Variants in NAV1 observed in about 807,000 individuals in gnomAD.
NAV1 encodes the protein pore membrane and/or filament interacting like protein 3.
Under a neutral mutation model 175.2 loss-of-function variants are expected in NAV1, and 18 were observed. The observed-to-expected ratio is 0.10, with a 90% CI of 0.07 to 0.15. The LOEUF (loss-of-function observed/expected upper bound fraction) is 0.15, where lower values mean the gene tolerates loss of function less well. Among genes scored for constraint, NAV1 ranks in the 10% least tolerant of loss-of-function variants. The pLI, the probability that NAV1 is intolerant of heterozygous loss-of-function variation, is 1.00. For synonymous variants in NAV1, 897 were observed against 978.7 expected (o/e 0.92, Z 1.56); for missense variants, 1,731 against 2,436.6 (o/e 0.71, Z 6.10).
At chr1:201,654,682 T>C (rs1669332973) in intron 1 of NAV1, among the ~76,000 whole-genome samples, 1 of 151,988 alleles carries the variant, frequency 6.6e-6, no homozygotes, top group Non-Finnish European at 1.5e-5. Context: ...TCCCTTTCTC[T>C]CTGCAGAGCG....
chr1:201,648,625 T>G lies in NAV1; in HGVS notation c.-44T>G. The G allele has an allele frequency of 1.6e-6, 2 of 1,285,332 alleles. No homozygotes were observed. The highest frequency in any genetic ancestry group is 2.0e-6 in the Non-Finnish European group (2 of 1,020,966). 79.6% of individuals were successfully genotyped at this position (1,285,332 alleles called of 1,614,324 possible). A position where few individuals can be genotyped will look rare whatever the true frequency, so the allele number is the denominator to read the frequency against. Reference sequence around the variant, plus strand: ...TCCCGCCCCCTGCCCCCTCCCCCCGTGCCTGCAGACGCGCGGATCGTCCAT... The same window carrying G: ...TCCCGCCCCCTGCCCCCTCCCCCCGGGCCTGCAGACGCGCGGATCGTCCAT... On this transcript the variant is annotated 5_prime_UTR_variant, in exon 1 of 30. Coordinates refer to ENST00000367296, the Ensembl canonical transcript of NAV1.
rs185871120 is a variant in NAV1, at chr1:201,626,775, A to G, written c.-100-2629A>G. On this transcript the variant is annotated intron_variant, in intron 1 of 29. Transcript: ENST00000367302. ...AATTGGAACTATGGTTAATGGTATCAGGAGCGTAGGGTTACTGGTGTCACT... is the reference window on the plus strand; with the variant it reads ...AATTGGAACTATGGTTAATGGTATCGGGAGCGTAGGGTTACTGGTGTCACT... Among the ~76,000 whole-genome samples the G allele has an allele frequency of 3.9e-5, 6 of 152,342 alleles. No homozygotes were observed. The East Asian group carries it at 1.2e-3, about 29-fold the overall frequency.
chr1:201,720,977 G>A (rs921043997), intron 3 of NAV1, among the ~76,000 whole-genome samples: 6 of 151,962 alleles, frequency 3.9e-5, no homozygotes, highest in Non-Finnish European at 8.8e-5. Context: ...GAATGCAGGG[G>A]GAAAGGGTAG....
At chr1:201,815,039 C>CAAA (rs554042432) in intron 28 of NAV1, among the ~76,000 whole-genome samples, 6 of 76,130 alleles carry the variant, frequency 7.9e-5, no homozygotes, top group South Asian at 4.6e-4. Flanking sequence ...GACTCTGTCT[C>CAAA]AAAAAAAAAA....
Position 201,740,136 on chromosome 1 carries a change from G to A in NAV1, c.1226+21381G>A. 7.5e-7 allele frequency: 1 copy of A among 1,340,740 alleles called. No homozygotes were observed. The highest frequency in any genetic ancestry group is 1.6e-5 in the South Asian group (1 of 61,120). 83.1% of individuals were successfully genotyped at this position (1,340,740 alleles called of 1,614,324 possible). ...ACCGCAGAGCTGGGGTCGGGTTTGTGGCACCCCCAGCCCCGCCGCAGCCCC... is the reference window on the plus strand; with the variant it reads ...ACCGCAGAGCTGGGGTCGGGTTTGTAGCACCCCCAGCCCCGCCGCAGCCCC... On this transcript the variant is annotated intron_variant, in intron 3 of 29. Coordinates refer to ENST00000367296, the Ensembl canonical transcript of NAV1. The surrounding 1 kb of genome is among the most constrained non-coding windows in gnomAD (Gnocchi z 4.7).
chr1:201,784,553 T>C (rs1249174258), intron 7 of NAV1, among the ~76,000 whole-genome samples: 1 of 148,616 alleles, frequency 6.7e-6, no homozygotes, highest in Non-Finnish European at 1.5e-5. Context: ...AGTTTTTACC[T>C]ACCATAATAC....
chr1:201,697,284 C>T (rs2102431936), intron 1 of NAV1, among the ~76,000 whole-genome samples: 3 of 152,282 alleles, frequency 2.0e-5, no homozygotes, highest in Middle Eastern at 3.4e-3. Flanking sequence ...ATCAGTGACA[C>T]AGCAGGCTTT....
At chr1:201,584,343 A>G (rs1259614931) in intron 1 of NAV1, among the ~76,000 whole-genome samples, 1 of 152,100 alleles carries the variant, frequency 6.6e-6, no homozygotes, top group Non-Finnish European at 1.5e-5. Flanking sequence ...AATGTAACCT[A>G]CTCTATATGC....
chr1:201,826,560 G>C (rs1025627319), exon 30 of NAV1: 1 of 152,136 alleles, frequency 6.6e-6, no homozygotes, highest in Non-Finnish European at 1.5e-5. Context: ...TGGAGAGTGG[G>C]CAGAAGTTTT....
chr1:201,660,276 C>G (rs1387289931), intron 1 of NAV1, among the ~76,000 whole-genome samples: 1 of 152,242 alleles, frequency 6.6e-6, no homozygotes. Flanking sequence ...AGTGGCCTTC[C>G]TCAGCTGTAG....
chr1:201,644,671 A>T (rs1668916192), upstream of NAV1, among the ~76,000 whole-genome samples: 3 of 152,242 alleles, frequency 2.0e-5, no homozygotes, highest in South Asian at 6.2e-4. Context: ...GTGACATTTC[A>T]TGCAGGACAG....
exon 29 of NAV1, chr1:201,817,267 T>C (rs761265235): frequency 1.2e-6 from 2 of 1,614,102 alleles, no homozygotes; most frequent in South Asian, 2.2e-5. Flanking sequence ...CCCCAAGTTC[T>C]CTGGACTCAG....
chr1:201,637,996 A>T (rs1417077826), intron 2 of NAV1, among the ~76,000 whole-genome samples: 3 of 152,218 alleles, frequency 2.0e-5, no homozygotes, highest in African/African-American at 7.2e-5. Context: ...CCTGAGGAGC[A>T]CAGGGATCTG....
In NAV1 at chr1:201,775,069, C is replaced by T. The variant is rs149892249; in HGVS notation, c.1227-5352C>T. 1.7e-3 allele frequency among the ~76,000 whole-genome samples: 255 copies of T among 152,264 alleles called. 1 individual carries two copies. Among genetic ancestry groups the T allele is most frequent in the African/African-American group, 5.9e-3 (247 of 41,552 alleles). On this transcript the variant is annotated intron_variant, in intron 3 of 29. Transcript: ENST00000367296. ...AGAGGTAAGTCTAAAAACAAGAGGA[C>T]TGGTTGAAAATTTATAGAAAAAACA... is the stretch of plus-strand genomic sequence containing the variant.
intron 3 of NAV1, among the ~76,000 whole-genome samples, chr1:201,722,356 T>TTTG (rs374209809): frequency 1.3e-5 from 2 of 152,202 alleles, no homozygotes; most frequent in African/African-American, 4.8e-5. Context: ...TCATACAGTC[T>TTTG]TTGTTGTTGT....
At chr1:201,542,242 CA>C (rs1332931482) in intron 1 of NAV1, among the ~76,000 whole-genome samples, 1 of 152,136 alleles carries the variant, frequency 6.6e-6, no homozygotes, top group Non-Finnish European at 1.5e-5. Context: ...TCCATCTCAG[CA>C]GATGTTACTT....
intron 3 of NAV1, among the ~76,000 whole-genome samples, chr1:201,779,028 A>C (rs1430908144): frequency 1.3e-5 from 2 of 152,242 alleles, no homozygotes; most frequent in Non-Finnish European, 2.9e-5. Flanking sequence ...TAGCAGTCTT[A>C]CTGAACTTCC....
chr1:201,803,501 C>T, intron 15 of NAV1, 92 bp from the exon 20 acceptor site: 1 of 1,409,178 alleles, frequency 7.1e-7, no homozygotes, highest in East Asian at 2.4e-5. Flanking sequence ...GGTTGGTTCT[C>T]CTTTCTCTTA....
intron 1 of NAV1, chr1:201,673,310 C>T (rs913634770): frequency 3.3e-5 from 5 of 152,314 alleles, no homozygotes; most frequent in East Asian, 1.9e-4. Context: ...AAGGGATGGT[C>T]GTGGGAGGCA....
Sources: allele counts gnomAD v4.1 joint callset (sites outside exome capture counted in the v4.1 genomes callset), GRCh38; gene constraint gnomAD v4.1.1; non-coding constraint Gnocchi (gnomAD v3.1); transcripts MANE v1.5; gene names NCBI Gene and HGNC (gene_info 2026-07-23, HGNC 2026-07-21).